LRRC4C: variants seen among roughly 807,000 people sequenced by gnomAD.
The protein encoded by LRRC4C is leucine rich repeat containing 4C.
Under a neutral mutation model 33.6 loss-of-function variants are expected in LRRC4C, and 5 were observed. That is an observed-to-expected ratio of 0.15 (90% CI 0.08 to 0.31). LRRC4C has a LOEUF of 0.31. Ranked by LOEUF, LRRC4C falls within the 10% of genes least tolerant of loss-of-function variation. The pLI, the probability that LRRC4C is intolerant of heterozygous loss-of-function variation, is 1.00. For missense variants in LRRC4C, 560 were observed against 796.7 expected (o/e 0.70, Z 3.58); for synonymous variants, 329 against 302.0 (o/e 1.09, Z -0.93).
intron 1 of LRRC4C, among the ~76,000 whole-genome samples, chr11:41,329,261 C>T (rs1419502673): frequency 6.6e-6 from 1 of 152,190 alleles, no homozygotes; most frequent in East Asian, 1.9e-4. Flanking sequence ...GCATTCTATT[C>T]ATACTCCAAA....
intron 3 of LRRC4C, among the ~76,000 whole-genome samples, chr11:40,479,154 A>C (rs1953408213): frequency 6.6e-6 from 1 of 152,184 alleles, no homozygotes; most frequent in African/African-American, 2.4e-5. Context: ...TTTATATGCC[A>C]TAAAAATGTA....
intron 2 of LRRC4C, among the ~76,000 whole-genome samples, chr11:40,717,681 C>G (rs1288268223): frequency 6.6e-6 from 1 of 152,078 alleles, no homozygotes; most frequent in Non-Finnish European, 1.5e-5. Flanking sequence ...GTAGTCTTCT[C>G]AGCCACCTGA....
intron 2 of LRRC4C, among the ~76,000 whole-genome samples, chr11:40,692,229 C>A (rs1265595699): frequency 6.6e-6 from 1 of 151,590 alleles, no homozygotes; most frequent in Non-Finnish European, 1.5e-5. Flanking sequence ...ATGTATTGAC[C>A]AATGACTGGA....
intron 1 of LRRC4C, among the ~76,000 whole-genome samples, chr11:40,984,415 G>A (rs1378314939): frequency 6.8e-5 from 5 of 73,678 alleles, no homozygotes; most frequent in Non-Finnish European, 1.7e-4. Context: ...AAGAAAGAAA[G>A]AGAAAGAAAG....
At chr11:40,684,235 A>C (rs1944845653) in intron 2 of LRRC4C, among the ~76,000 whole-genome samples, 1 of 152,178 alleles carries the variant, frequency 6.6e-6, no homozygotes, top group Non-Finnish European at 1.5e-5. Flanking sequence ...TTTAATGAAA[A>C]GAGAATAAAG....
At chr11:41,128,769 CA>C (rs1181710069) in intron 1 of LRRC4C, among the ~76,000 whole-genome samples, 1 of 151,940 alleles carries the variant, frequency 6.6e-6, no homozygotes, top group Non-Finnish European at 1.5e-5. Flanking sequence ...CAGATTAAAA[CA>C]TTTTTTTAGG....
intron 1 of LRRC4C, among the ~76,000 whole-genome samples, chr11:41,333,076 T>C (rs1251285078): frequency 6.6e-6 from 1 of 152,162 alleles, no homozygotes; most frequent in Non-Finnish European, 1.5e-5. Flanking sequence ...GGGAAACACT[T>C]GAAAGAAGAA....
intron 3 of LRRC4C, among the ~76,000 whole-genome samples, chr11:40,425,760 T>C (rs1183440110): frequency 6.6e-6 from 1 of 152,234 alleles, no homozygotes; most frequent in Non-Finnish European, 1.5e-5. Flanking sequence ...AACTAAATTA[T>C]TGTCTAAACT....
intron 2 of LRRC4C, among the ~76,000 whole-genome samples, chr11:40,895,046 C>T (rs2061067237): frequency 6.6e-6 from 1 of 151,836 alleles, no homozygotes; most frequent in East Asian, 1.9e-4. Context: ...TTCTAATATT[C>T]TTTGTACGGA....
At chr11:40,333,741 A>G (rs1377438170) in intron 3 of LRRC4C, among the ~76,000 whole-genome samples, 2 of 143,094 alleles carry the variant, frequency 1.4e-5, no homozygotes, top group East Asian at 2.2e-4. Flanking sequence ...AAAAAAAAAA[A>G]GAATTCATAA....
intron 2 of LRRC4C, among the ~76,000 whole-genome samples, chr11:40,817,244 C>T (rs1319056566): frequency 6.6e-6 from 1 of 152,110 alleles, no homozygotes; most frequent in Non-Finnish European, 1.5e-5. Context: ...TCTGAAATAT[C>T]CCTCTCCTCA....
chr11:40,420,725 T>C (rs1950493733), intron 3 of LRRC4C, among the ~76,000 whole-genome samples: 1 of 152,206 alleles, frequency 6.6e-6, no homozygotes, highest in Non-Finnish European at 1.5e-5. Context: ...ATATAGAAAC[T>C]ATGGCTTGCC....
chr11:40,490,808 A>C (rs2138511241), intron 3 of LRRC4C, among the ~76,000 whole-genome samples: 1 of 152,202 alleles, frequency 6.6e-6, no homozygotes, highest in East Asian at 1.9e-4. Context: ...TATTTTAAAA[A>C]CCTGGTTTAG....
chr11:40,853,756 ATGGAGGG>A (rs1953628017), intron 2 of LRRC4C, among the ~76,000 whole-genome samples: 1 of 152,168 alleles, frequency 6.6e-6, no homozygotes, highest in Non-Finnish European at 1.5e-5. Context: ...GAACTGTGTT[ATGGAGGG>A]AAGGAAATGT....
intron 2 of LRRC4C, among the ~76,000 whole-genome samples, chr11:40,911,766 C>T (rs988892084): frequency 2.6e-5 from 4 of 152,138 alleles, no homozygotes; most frequent in East Asian, 1.9e-4. Flanking sequence ...GGAGGAAGTT[C>T]GAACCCATGG....
At chr11:41,334,712 G>A (rs964314970) in intron 1 of LRRC4C, among the ~76,000 whole-genome samples, 9 of 152,070 alleles carry the variant, frequency 5.9e-5, no homozygotes, top group Non-Finnish European at 1.0e-4. Flanking sequence ...ATAGTCGGGT[G>A]TGATGGTGCA....
At chr11:40,525,405 C>T (rs1032037972) in intron 3 of LRRC4C, among the ~76,000 whole-genome samples, 1 of 152,118 alleles carries the variant, frequency 6.6e-6, no homozygotes. Flanking sequence ...AAGATTGCAC[C>T]ACTGCACTCC....
chr11:40,228,260 T>C (rs1483941316), intron 5 of LRRC4C, among the ~76,000 whole-genome samples: 1 of 152,194 alleles, frequency 6.6e-6, no homozygotes, highest in African/African-American at 2.4e-5. Flanking sequence ...AATCTCCACA[T>C]GAGAAGTACT....
At chr11:41,270,627 G>A (rs1949290436) in intron 1 of LRRC4C, among the ~76,000 whole-genome samples, 1 of 152,074 alleles carries the variant, frequency 6.6e-6, no homozygotes, top group African/African-American at 2.4e-5. Context: ...TACCATTGCA[G>A]TGGGGCTTAT....
Sources: gnomAD v4.1 joint callset for allele counts (sites outside exome capture counted in the v4.1 genomes callset) on GRCh38, gnomAD v4.1.1 for gene constraint, MANE v1.5 for transcripts, NCBI Gene and HGNC (gene_info 2026-07-23, HGNC 2026-07-21) for gene names.